Variants in OPA1 observed in about 807,000 individuals in gnomAD.
The protein encoded by OPA1 is OPA1 mitochondrial dynamin like GTPase, also known as dynamin-like GTPase OPA1, mitochondrial.
Under a neutral mutation model 152.9 loss-of-function variants are expected in OPA1, and 59 were observed. The ratio of observed to expected loss-of-function variants is 0.39; its 90% CI spans 0.31 to 0.48. The LOEUF is 0.48. Among genes scored for constraint, OPA1 ranks in the 20% least tolerant of loss-of-function variants. The probability of loss-of-function intolerance (pLI) is 0.96; values close to 1 mark genes in which losing one functional copy is unlikely to be tolerated. For synonymous variants in OPA1, 400 were observed against 389.9 expected (o/e 1.03, Z -0.31); for missense variants, 1,008 against 1,216.8 (o/e 0.83, Z 2.55).
At chr3:193,605,000 G>A (rs1411228391) in intron 1 of OPA1, among the ~76,000 whole-genome samples, 1 of 152,094 alleles carries the variant, frequency 6.6e-6, no homozygotes, top group African/African-American at 2.4e-5. Context: ...ATAACAATAA[G>A]TTATCTACAT....
chr3:193,652,395 A>G (rs1038944602), intron 21 of OPA1, among the ~76,000 whole-genome samples: 16 of 136,360 alleles, frequency 1.2e-4, no homozygotes, highest in African/African-American at 4.3e-4. Flanking sequence ...ACAAACAAAC[A>G]AAAAAAAAAA....
intron 29 of OPA1, among the ~76,000 whole-genome samples, chr3:193,676,948 T>G (rs1214309200): frequency 8.3e-6 from 1 of 120,852 alleles, no homozygotes; most frequent in Non-Finnish European, 1.6e-5. Flanking sequence ...GCCACTGCAC[T>G]CCAGCCTGGG....
In OPA1 at chr3:193,593,416, G is replaced by T. The variant is rs1269297449; in HGVS notation, c.32+7G>T. ...GTCGGGCCGCTGTGGCCTGGTAAGT[G>T]CAGGCTCTAATCTGGCCCCGTTAAT... On this transcript the variant is annotated splice_region_variant and intron_variant, in intron 1 of 30. Transcript: ENST00000361510. 2 of 1,544,138 alleles carry T rather than the reference G, an allele frequency of 1.3e-6. No homozygotes were observed. The highest frequency in any genetic ancestry group is 1.2e-5 in the South Asian group (1 of 83,362).
chr3:193,674,439 G>A (rs1340928861), intron 29 of OPA1, among the ~76,000 whole-genome samples: 1 of 152,072 alleles, frequency 6.6e-6, no homozygotes, highest in African/African-American at 2.4e-5. Flanking sequence ...TTGAAATTAT[G>A]GTACTAAAAG....
At chr3:193,635,032 T>C (rs1732727482) in intron 8 of OPA1, among the ~76,000 whole-genome samples, 1 of 152,200 alleles carries the variant, frequency 6.6e-6, no homozygotes, top group Non-Finnish European at 1.5e-5. Context: ...AGGGAAGAAT[T>C]TGAATTTTTG....
intron 1 of OPA1, among the ~76,000 whole-genome samples, chr3:193,613,353 A>G (rs985272607): frequency 7.4e-5 from 9 of 121,096 alleles, no homozygotes; most frequent in Non-Finnish European, 1.6e-4. Flanking sequence ...TGCTTTAACA[A>G]TACTTAAAAA....
intron 3 of OPA1, 41 bp downstream of exon 3, chr3:193,615,811 C>T (rs778161659): frequency 3.6e-6 from 4 of 1,121,270 alleles, no homozygotes; most frequent in East Asian, 2.4e-5. Context: ...TTGGTCATCT[C>T]GAGGAAAGAG....
intron 19 of OPA1, 76 bp from the exon 20 acceptor site, chr3:193,647,994 T>G (rs1734967182): frequency 1.0e-6 from 1 of 991,974 alleles, no homozygotes; most frequent in Admixed American, 1.7e-5. Context: ...ACAGAGGATA[T>G]GTATTTTAAC....
intron 18 of OPA1, 119 bp downstream of exon 18, chr3:193,645,919 T>G: frequency 1.2e-6 from 1 of 854,842 alleles, no homozygotes; most frequent in South Asian, 1.6e-5. Flanking sequence ...TTTCTAGAAT[T>G]TTTCCCAAAT....
chr3:193,683,770 T>C (rs1720528826), intron 29 of OPA1, among the ~76,000 whole-genome samples: 1 of 152,226 alleles, frequency 6.6e-6, no homozygotes, highest in Non-Finnish European at 1.5e-5. Flanking sequence ...GTTATGTACA[T>C]TGTCTTTTTA....
At chr3:193,601,202 A>G (rs1296174496) in intron 1 of OPA1, among the ~76,000 whole-genome samples, 1 of 152,086 alleles carries the variant, frequency 6.6e-6, no homozygotes, top group African/African-American at 2.4e-5. Context: ...ATGGTACTTC[A>G]CTACCACCAA....
intron 29 of OPA1, among the ~76,000 whole-genome samples, chr3:193,675,873 C>T (rs1225181742): frequency 6.6e-6 from 1 of 152,130 alleles, no homozygotes; most frequent in African/African-American, 2.4e-5. Context: ...TTCATTAGCC[C>T]CCTTCTCTTG....
chr3:193,690,554 TGTTAC>T (rs1560082300), intron 29 of OPA1, among the ~76,000 whole-genome samples: 2 of 152,070 alleles, frequency 1.3e-5, no homozygotes, highest in South Asian at 4.2e-4. Flanking sequence ...AATATGAAAA[TGTTAC>T]GTTCTTTATA....
rs893071299 is a variant in OPA1 at position 193,593,303 on chromosome 3, G to C, written c.-75G>C. On this transcript the variant is annotated 5_prime_UTR_variant, in exon 1 of 31. Transcript: ENST00000361510. ...CCACTTCCTGGGTCATTCCTGGACC[G>C]GGAGCCGGGCTGGGGCTCACACGGG... is the stretch of plus-strand genomic sequence containing the variant. 7 of 1,470,454 alleles carry C rather than the reference G, an allele frequency of 4.8e-6. No homozygotes were observed. The highest frequency in any genetic ancestry group is 1.3e-5 in the South Asian group (1 of 76,118). The allele number at this position is 1,470,454 out of a possible 1,614,324, so 91.1% of individuals were successfully genotyped here. A position where few individuals can be genotyped will look rare whatever the true frequency, so the allele number is the denominator to read the frequency against.
intron 11 of OPA1, among the ~76,000 whole-genome samples, chr3:193,638,403 G>A (rs558055532): frequency 7.9e-5 from 12 of 152,278 alleles, no homozygotes; most frequent in African/African-American, 2.6e-4. Context: ...TGACAAAAGA[G>A]CAGAGAAATG....
chr3:193,596,136 C>A (rs1725450385), intron 1 of OPA1, among the ~76,000 whole-genome samples: 1 of 151,434 alleles, frequency 6.6e-6, no homozygotes, highest in Non-Finnish European at 1.5e-5. Flanking sequence ...TCCTCCCACT[C>A]CCTTTGGATA....
chr3:193,660,410 C>T (rs1008531913), intron 25 of OPA1, among the ~76,000 whole-genome samples: 2 of 151,940 alleles, frequency 1.3e-5, no homozygotes, highest in African/African-American at 4.8e-5. Context: ...AGCATCCAAT[C>T]CATTTTCTTT....
chr3:193,681,554 A>T (rs994892866), intron 29 of OPA1, among the ~76,000 whole-genome samples: 9 of 152,236 alleles, frequency 5.9e-5, no homozygotes, highest in African/African-American at 2.2e-4. Flanking sequence ...ACCTCATTGT[A>T]TTGCATGTCA....
intron 6 of OPA1, among the ~76,000 whole-genome samples, chr3:193,621,345 G>A (rs1412843286): frequency 6.6e-6 from 1 of 152,194 alleles, no homozygotes; most frequent in Non-Finnish European, 1.5e-5. Context: ...AACACAGATA[G>A]TTTGACTTCA....
Sources: allele counts gnomAD v4.1 joint callset (sites outside exome capture counted in the v4.1 genomes callset), GRCh38; gene constraint gnomAD v4.1.1; transcripts MANE v1.5; gene names NCBI Gene and HGNC (gene_info 2026-07-23, HGNC 2026-07-21).